N4BP2L2: variants seen among roughly 807,000 people sequenced by gnomAD.
N4BP2L2 encodes the protein NEDD4-binding protein 2-like 2.
In N4BP2L2, 50 loss-of-function variants were observed where a neutral mutation model predicts 56.2. The ratio of observed to expected loss-of-function variants is 0.89; its 90% CI spans 0.71 to 1.13. N4BP2L2 has a LOEUF of 1.13. Among genes scored for constraint, N4BP2L2 ranks in the 50% most tolerant of loss-of-function variants. N4BP2L2 has a pLI of 0.00. For missense variants in N4BP2L2, 689 were observed against 693.8 expected (o/e 0.99, Z 0.08); for synonymous variants, 203 against 223.6 (o/e 0.91, Z 0.82).
At chr13:32,464,809 G>A (rs2138785470) in intron 6 of N4BP2L2, among the ~76,000 whole-genome samples, 1 of 151,726 alleles carries the variant, frequency 6.6e-6, no homozygotes, top group Non-Finnish European at 1.5e-5. Context: ...TCATAAAAAG[G>A]CATACAAATG....
chr13:32,537,165 T>G, intron 1 of N4BP2L2, 138 bp from the exon 2 acceptor site: 1 of 588,678 alleles, frequency 1.7e-6, no homozygotes, highest in Non-Finnish European at 2.7e-6. Flanking sequence ...AAAATACCAG[T>G]CACTTTCATA....
chr13:32,440,904 G>A (rs569344490), intron 7 of N4BP2L2, among the ~76,000 whole-genome samples: 45 of 147,806 alleles, frequency 3.0e-4, no homozygotes, highest in African/African-American at 1.0e-3. Context: ...GGCTGGGAGT[G>A]CAGTGGTGTG....
intron 7 of N4BP2L2, chr13:32,438,780 C>G: frequency 6.9e-7 from 1 of 1,440,544 alleles, no homozygotes; most frequent in Non-Finnish European, 9.6e-7. Context: ...TAATGTCACA[C>G]AGATTTTTGC....
chr13:32,435,506 G>C (rs1229093520), intron 9 of N4BP2L2, among the ~76,000 whole-genome samples: 3 of 152,044 alleles, frequency 2.0e-5, no homozygotes, highest in Non-Finnish European at 4.4e-5. Context: ...AGTGCTGGGA[G>C]TATAGGCGTG....
At chr13:32,459,667 G>A (rs1415384439) in intron 6 of N4BP2L2, among the ~76,000 whole-genome samples, 1 of 152,034 alleles carries the variant, frequency 6.6e-6, no homozygotes, top group Non-Finnish European at 1.5e-5. Context: ...GCCCAGGACT[G>A]GATAACTTTA....
chr13:32,513,043 A>G (rs1231982659), exon 6 of N4BP2L2: 1 of 152,188 alleles, frequency 6.6e-6, no homozygotes, highest in Non-Finnish European at 1.5e-5. Flanking sequence ...AAAAAAAAAA[A>G]AAGAATTTCT....
chr13:32,483,409 T>C (rs1566104962), intron 6 of N4BP2L2, among the ~76,000 whole-genome samples: 1 of 152,260 alleles, frequency 6.6e-6, no homozygotes, highest in Non-Finnish European at 1.5e-5. Flanking sequence ...TATTCTTATC[T>C]AAAATTTCCT....
At chr13:32,487,423 G>A (rs1175268291) in intron 6 of N4BP2L2, among the ~76,000 whole-genome samples, 2 of 149,878 alleles carry the variant, frequency 1.3e-5, no homozygotes, top group East Asian at 2.0e-4. Context: ...GCTGCAATGA[G>A]CCGTGACCGC....
exon 6 of N4BP2L2, chr13:32,511,967 T>A (rs1453938895): frequency 1.3e-5 from 2 of 152,194 alleles, no homozygotes; most frequent in Non-Finnish European, 2.9e-5. Context: ...AGAATTTCTT[T>A]CAGAATGAAG....
exon 6 of N4BP2L2, chr13:32,512,969 T>C (rs2139810566): frequency 6.6e-6 from 1 of 152,122 alleles, no homozygotes; most frequent in East Asian, 1.9e-4. Context: ...GAGGCAGAGC[T>C]TGCAGTGAGC....
exon 7 of N4BP2L2, chr13:32,443,951 T>A: frequency 6.2e-7 from 1 of 1,600,834 alleles, no homozygotes. Context: ...GTCTTTTCAA[T>A]GTCTTCCTCT....
At chr13:32,460,262 C>T (rs2079795340) in intron 6 of N4BP2L2, among the ~76,000 whole-genome samples, 1 of 152,068 alleles carries the variant, frequency 6.6e-6, no homozygotes, top group African/African-American at 2.4e-5. Context: ...GGATGCTCAC[C>T]TTCATCACTC....
intron 5 of N4BP2L2, 105 bp downstream of exon 5, chr13:32,521,266 TCA>T (rs2050818311): frequency 1.1e-6 from 1 of 875,838 alleles, no homozygotes; most frequent in Non-Finnish European, 1.8e-6. Flanking sequence ...CATTTTACCC[TCA>T]GTTTCCTGAA....
exon 2 of N4BP2L2, chr13:32,536,859 C>G: frequency 6.2e-7 from 1 of 1,613,984 alleles, no homozygotes; most frequent in Non-Finnish European, 8.5e-7. Flanking sequence ...ATGATGGTCA[C>G]AGGGACCCAA....
At chr13:32,449,462 T>A (rs1232804201) in intron 6 of N4BP2L2, among the ~76,000 whole-genome samples, 4 of 152,204 alleles carry the variant, frequency 2.6e-5, no homozygotes, top group Non-Finnish European at 5.9e-5. Context: ...GGTTTATGCA[T>A]GAAAAAAGTT....
intron 2 of N4BP2L2, 90 bp downstream of exon 2, chr13:32,535,679 C>T: frequency 7.2e-7 from 1 of 1,394,348 alleles, no homozygotes; most frequent in Non-Finnish European, 9.7e-7. Flanking sequence ...GTTGGGATTA[C>T]ATGCATGAGT....
At chr13:32,443,861 T>C in exon 7 of N4BP2L2, 1 of 1,570,854 alleles carries the variant, frequency 6.4e-7, no homozygotes, top group Non-Finnish European at 8.6e-7. Context: ...TTTTTCCATC[T>C]TTTTTCTTTA....
intron 7 of N4BP2L2, among the ~76,000 whole-genome samples, chr13:32,441,662 C>T (rs190730450): frequency 4.7e-5 from 7 of 147,396 alleles, no homozygotes; most frequent in Admixed American, 2.0e-4. Flanking sequence ...CCAGCCTGGG[C>T]GACAAGAGCG....
chr13:32,433,887 C>T (rs555527936), intron 9 of N4BP2L2, among the ~76,000 whole-genome samples: 3 of 126,134 alleles, frequency 2.4e-5, no homozygotes, highest in East Asian at 5.2e-4. Flanking sequence ...GCTGAGATTG[C>T]ACCACTGCAC....
Sources: gnomAD v4.1 joint callset for allele counts (sites outside exome capture counted in the v4.1 genomes callset) on GRCh38, gnomAD v4.1.1 for gene constraint, MANE v1.5 for transcripts, NCBI Gene and HGNC (gene_info 2026-07-23, HGNC 2026-07-21) for gene names.